RHOBTB2: variants seen among roughly 807,000 people sequenced by gnomAD.
RHOBTB2 encodes rho-related BTB domain-containing protein 2.
RHOBTB2 carries 39 observed loss-of-function variants against 66.5 expected under a neutral mutation model. The ratio of observed to expected loss-of-function variants is 0.59; its 90% CI spans 0.45 to 0.77. RHOBTB2 has a LOEUF of 0.77. Among genes scored for constraint, RHOBTB2 ranks in the 30% least tolerant of loss-of-function variants. RHOBTB2 has a pLI of 0.00. For missense variants in RHOBTB2, 755 were observed against 999.1 expected, an observed-to-expected ratio of 0.76 and a Z score of 3.29; for synonymous variants, 390 against 395.0, an observed-to-expected ratio of 0.99 and a Z score of 0.15.
rs1412131918 is a variant in RHOBTB2, at chr8:23,007,077, A to G, written c.832A>G (p.Ile278Val). ...VILVLQERVRIFAHKIYLSTS... is the reference protein window; with the variant it reads ...VILVLQERVRVFAHKIYLSTS... ...CCTGGTGCTGCAGGAGCGGGTGCGC[A>G]TCTTTGCCCACAAGATCTACCTCTC... The change falls in exon 5 of 10, where the codon ATC becomes GTC. Residue 278 changes from isoleucine (I) to valine (V), a missense_variant. Ile to Val is a conservative substitution (Grantham distance 29, BLOSUM62 3). This residue lies in a region of RHOBTB2 where 247 missense variants were observed against 238.9 expected (regional missense o/e 1.03). Coordinates refer to ENST00000251822, the MANE Select transcript of RHOBTB2 (RefSeq NM_015178.3). 1 of 1,610,902 alleles carries G rather than the reference A, an allele frequency of 6.2e-7. No individual in the cohort carries two copies. Among genetic ancestry groups the G allele is most frequent in the Non-Finnish European group, 8.5e-7 (1 of 1,179,646 alleles).
At chr8:22,963,459 A>G in the RHOBTB2 span, among the ~76,000 whole-genome samples, 2 of 152,198 alleles carry the variant, frequency 1.3e-5, no homozygotes, top group Non-Finnish European at 1.5e-5. Context: ...ATTTCACATT[A>G]GAGAAAAGCA....
At chr8:23,007,822 T>A in intron 5 of RHOBTB2, 76 bp downstream of exon 5, 2 of 1,541,920 alleles carry the variant, frequency 1.3e-6, no homozygotes, top group Non-Finnish European at 1.8e-6. Context: ...CAGCTCCTGG[T>A]GTCCTGGAGC....
At chr8:22,978,974 ATACATATAT>A in the RHOBTB2 span, among the ~76,000 whole-genome samples, 3 of 152,162 alleles carry the variant, frequency 2.0e-5, no homozygotes, top group Non-Finnish European at 4.4e-5. Context: ...GCCATGATGT[ATACATATAT>A]TCCCATCTTT....
upstream of RHOBTB2, among the ~76,000 whole-genome samples, chr8:22,995,547 A>G (rs1184173147): frequency 6.6e-6 from 1 of 152,228 alleles, no homozygotes; most frequent in Admixed American, 6.5e-5. Context: ...GTAGAAATAG[A>G]GTGTTCGGAC....
At chr8:22,994,249 T>A (rs1166752954) in intron 2 of RHOBTB2, among the ~76,000 whole-genome samples, 1 of 152,198 alleles carries the variant, frequency 6.6e-6, no homozygotes, top group African/African-American at 2.4e-5. Flanking sequence ...AGGCCTCCGA[T>A]GCATGACTGA....
At chr8:22,959,778 G>A in the RHOBTB2 span, among the ~76,000 whole-genome samples, 2 of 152,244 alleles carry the variant, frequency 1.3e-5, no homozygotes, top group East Asian at 3.9e-4. Flanking sequence ...TCAGGCAGAA[G>A]TAGTTTGATA....
At chr8:22,956,769 C>A in the RHOBTB2 span, among the ~76,000 whole-genome samples, 1 of 152,196 alleles carries the variant, frequency 6.6e-6, no homozygotes, top group African/African-American at 2.4e-5. Flanking sequence ...TCAGGCAACT[C>A]TCCCGCCTCA....
At chr8:23,013,582 A>C (rs1811207539) in intron 7 of RHOBTB2, among the ~76,000 whole-genome samples, 1 of 151,312 alleles carries the variant, frequency 6.6e-6, no homozygotes, top group South Asian at 2.1e-4. Flanking sequence ...TGAAACTTTC[A>C]CCTCCCAGGT....
intron 7 of RHOBTB2, 98 bp downstream of exon 7, chr8:23,010,786 T>C (rs909256096): frequency 1.5e-6 from 2 of 1,337,124 alleles, no homozygotes; most frequent in Non-Finnish European, 2.1e-6. Context: ...GGGGACAAGC[T>C]GATGTCCAAG....
rs539009806 is a variant in RHOBTB2, at chr8:23,017,457, G to T, written c.2172G>T (p.Ser724=). 6.3e-7 allele frequency: 1 copy of T among 1,587,458 alleles called. No homozygotes were observed. Among genetic ancestry groups the T allele is most frequent in the Non-Finnish European group, 8.6e-7 (1 of 1,167,010 alleles). Residue 724 remains serine, a synonymous_variant, in exon 10 of 10, where the codon TCG becomes TCT. Transcript: ENST00000251822. The surrounding 1 kb of genome is among the most constrained non-coding windows in gnomAD (Gnocchi z 5.3). ...AASSSSPSSS[S]AVV is the part of the protein sequence containing the mutation. ...CCTCCTCATCCCCATCTTCCTCCTC[G>T]GCTGTGGTCTGAGATGCTGCCACCC...
the RHOBTB2 span, among the ~76,000 whole-genome samples, chr8:22,977,061 C>T: frequency 6.6e-6 from 1 of 152,046 alleles, no homozygotes; most frequent in East Asian, 1.9e-4. Context: ...TCGAGACCAG[C>T]CTGGCCAACA....
chr8:22,976,251 C>T, the RHOBTB2 span, among the ~76,000 whole-genome samples: 9 of 152,096 alleles, frequency 5.9e-5, no homozygotes, highest in Admixed American at 2.0e-4. Flanking sequence ...TTATTTAAGC[C>T]GAAATTATGA....
At chr8:22,978,731 C>G in the RHOBTB2 span, among the ~76,000 whole-genome samples, 1 of 151,932 alleles carries the variant, frequency 6.6e-6, no homozygotes, top group African/African-American at 2.4e-5. Flanking sequence ...TGTTCATTGA[C>G]TGTATTTACT....
At chr8:22,953,959 A>G in the RHOBTB2 span, among the ~76,000 whole-genome samples, 3 of 152,244 alleles carry the variant, frequency 2.0e-5, no homozygotes, top group Admixed American at 6.5e-5. Flanking sequence ...AACACTTGTA[A>G]ATCGTATCCT....
intron 1 of RHOBTB2, 111 bp downstream of exon 1, chr8:23,000,216 C>A: frequency 2.7e-6 from 2 of 730,298 alleles, no homozygotes; most frequent in Non-Finnish European, 1.7e-6. Context: ...CCGGGCCCCG[C>A]TAGTCCCTGG....
intron 1 of RHOBTB2, among the ~76,000 whole-genome samples, chr8:22,991,315 C>A (rs1810419849): frequency 1.3e-5 from 2 of 152,180 alleles, no homozygotes; most frequent in Non-Finnish European, 2.9e-5. Context: ...GCCGTCCCAG[C>A]CTGCTAATCT....
upstream of RHOBTB2, chr8:22,995,860 G>A: frequency 1.3e-6 from 2 of 1,551,720 alleles, no homozygotes; most frequent in Non-Finnish European, 1.7e-6. Flanking sequence ...AGTGTTCCAG[G>A]AGAGGGGTGC....
chr8:22,962,658 CATAGAG>C, the RHOBTB2 span, among the ~76,000 whole-genome samples: 1 of 152,166 alleles, frequency 6.6e-6, no homozygotes, highest in Non-Finnish European at 1.5e-5. Context: ...CTGAGAACAA[CATAGAG>C]TGTATGATCA....
At chr8:22,952,425 T>C in the RHOBTB2 span, among the ~76,000 whole-genome samples, 1 of 152,172 alleles carries the variant, frequency 6.6e-6, no homozygotes, top group Non-Finnish European at 1.5e-5. Context: ...GGCAGGAGTC[T>C]GTACTTCTTC....
Sources: gnomAD v4.1 joint callset for allele counts (sites outside exome capture counted in the v4.1 genomes callset) on GRCh38, gnomAD v4.1.1 for gene constraint, gnomAD v4.1.1 regional missense constraint, Gnocchi (gnomAD v3.1) non-coding constraint, MANE v1.5 for transcripts, NCBI Gene and HGNC (gene_info 2026-07-23, HGNC 2026-07-21) for gene names.